The following MEOX1 variants were observed in gnomAD, a reference collection of about 807,000 sequenced individuals.
The protein encoded by MEOX1 is mesenchyme homeobox 1, also known as homeobox protein MOX-1.
Under a neutral mutation model 23.2 loss-of-function variants are expected in MEOX1, and 17 were observed. That is an observed-to-expected ratio of 0.73 (90% confidence interval 0.50 to 1.10). The LOEUF is 1.10. Ranked by LOEUF, MEOX1 falls within the 50% of genes least tolerant of loss-of-function variation. MEOX1 has a pLI of 0.00. For missense variants in MEOX1, 333 were observed against 332.2 expected (o/e 1.00, Z -0.02); for synonymous variants, 134 against 135.1 (o/e 0.99, Z 0.06).
rs566836386 is a variant in MEOX1, at chr17:43,645,306, A to T, written c.470-1646T>A. On this transcript the variant is annotated intron_variant, in intron 1 of 2. Transcript: ENST00000318579. ...ATTCTCCTGCCTCCGCCTCCCGAGT[A>T]GCTGGGACTACAGGCGCCCGCCACC... Among the ~76,000 whole-genome samples, 545 of 150,690 alleles carry T rather than the reference A, an allele frequency of 3.6e-3. 2 individuals are homozygous for T. The highest frequency in any genetic ancestry group is 7.7e-3 in the Admixed American group (115 of 15,018).
chr17:43,646,987 C>CA (rs1279336079), intron 1 of MEOX1, among the ~76,000 whole-genome samples: 7 of 151,702 alleles, frequency 4.6e-5, no homozygotes, highest in South Asian at 4.2e-4. Context: ...AACTCCGTCT[C>CA]AAAAAAAAGA....
rs1303227263 is a variant in MEOX1 at position 43,661,378 on chromosome 17, C to T, written c.157G>A (p.Ala53Thr). The change falls in exon 1 of 3, where the codon GCG becomes ACG. Residue 53 changes from alanine (A) to threonine (T), a missense_variant. By Grantham distance (58) the Ala-to-Thr change is moderately conservative. Transcript: ENST00000318579. ...TCAGGGTACGCTGCCGTCGCTGTCG[C>T]CAGGAAGTCTGGTTTCTGGTGGAAG... Reference protein sequence around the residue: ...FSFHQKPDFLATATAAYPDFS... With the variant: ...FSFHQKPDFLTTATAAYPDFS... 6 of 1,613,082 alleles carry T rather than the reference C, an allele frequency of 3.7e-6. No individual in the cohort carries two copies. Among genetic ancestry groups the T allele is most frequent in the Non-Finnish European group, 5.1e-6 (6 of 1,179,514 alleles).
chr17:43,657,799 C>T (rs1219635099), intron 1 of MEOX1, among the ~76,000 whole-genome samples: 3 of 152,248 alleles, frequency 2.0e-5, no homozygotes, highest in African/African-American at 2.4e-5. Flanking sequence ...TATTCAATTC[C>T]ACCATCCCCA....
At position 43,647,593 on chromosome 17, in the gene MEOX1, G is replaced by C. The variant is rs576451703; in HGVS notation, c.470-3933C>G. ...CCAGAGGTCCTGGGGTCACCACCCT[G>C]TTTGCTACCCACATCTACCCTCCTC... is the stretch of plus-strand genomic sequence containing the variant. On this transcript the variant is annotated intron_variant, in intron 1 of 2. Coordinates refer to ENST00000318579, the MANE Select transcript of MEOX1 (RefSeq NM_004527.4). 7.2e-5 allele frequency among the ~76,000 whole-genome samples: 11 copies of C among 152,248 alleles called. No individual in the cohort carries two copies. In the East Asian group the frequency reaches 2.1e-3, roughly 29 times the overall value.
chr17:43,650,372 A>C (rs544938899), intron 1 of MEOX1, among the ~76,000 whole-genome samples: 7 of 152,258 alleles, frequency 4.6e-5, no homozygotes, highest in African/African-American at 1.7e-4. Context: ...TTTCCACCCT[A>C]TTGGGCTGTC....
At chr17:43,646,410 AG>A (rs1364491425) in intron 1 of MEOX1, among the ~76,000 whole-genome samples, 1 of 152,186 alleles carries the variant, frequency 6.6e-6, no homozygotes, top group African/African-American at 2.4e-5. Context: ...ACCCGGGCTT[AG>A]ACGACGGGCG....
At chr17:43,649,991 G>A (rs1284764496) in intron 1 of MEOX1, among the ~76,000 whole-genome samples, 1 of 152,212 alleles carries the variant, frequency 6.6e-6, no homozygotes, top group Non-Finnish European at 1.5e-5. Context: ...AGCTTTATCA[G>A]AGCTACAGGG....
chr17:43,642,658 G>A (rs188806354), intron 2 of MEOX1, among the ~76,000 whole-genome samples: 211 of 149,728 alleles, frequency 1.4e-3, no homozygotes, highest in Non-Finnish European at 2.6e-3. Flanking sequence ...TGGGTGTGGG[G>A]GTGTGGGGTG....
chr17:43,651,691 C>T (rs1972919333), intron 1 of MEOX1, among the ~76,000 whole-genome samples: 1 of 152,174 alleles, frequency 6.6e-6, no homozygotes, highest in African/African-American at 2.4e-5. Flanking sequence ...GGCTGTGAGT[C>T]CTGTCTCTCA....
intron 1 of MEOX1, among the ~76,000 whole-genome samples, chr17:43,648,653 C>T (rs568991215): frequency 6.6e-6 from 1 of 151,864 alleles, no homozygotes; most frequent in African/African-American, 2.4e-5. Flanking sequence ...AGAATTCCTT[C>T]CTGGAACATA....
At chr17:43,647,144 G>A (rs1598261655) in intron 1 of MEOX1, among the ~76,000 whole-genome samples, 2 of 152,130 alleles carry the variant, frequency 1.3e-5, no homozygotes, top group African/African-American at 4.8e-5. Context: ...ACCACACAGC[G>A]GCCTATGAGT....
chr17:43,641,873 G>T lies in MEOX1; in HGVS notation c.*37C>A. 6.3e-7 allele frequency: 1 copy of T among 1,587,380 alleles called. No individual in the cohort carries two copies. The highest frequency in any genetic ancestry group is 8.6e-7 in the Non-Finnish European group (1 of 1,166,630). On this transcript the variant is annotated 3_prime_UTR_variant, in exon 3 of 3. Transcript: ENST00000318579. Reference sequence around the variant, plus strand: ...TTGGGGTGGGGGTAGTTGGGTAGGGGGCTCAGTCCTTAGTCATTTTTCCTC... The same window carrying T: ...TTGGGGTGGGGGTAGTTGGGTAGGGTGCTCAGTCCTTAGTCATTTTTCCTC...
chr17:43,652,703 G>A (rs555144193), intron 1 of MEOX1, among the ~76,000 whole-genome samples: 10 of 152,056 alleles, frequency 6.6e-5, no homozygotes, highest in Admixed American at 5.2e-4. Context: ...TTACTGTACC[G>A]TGGCCCAGCA....
intron 2 of MEOX1, among the ~76,000 whole-genome samples, chr17:43,643,070 A>G (rs1972727205): frequency 6.6e-6 from 1 of 152,078 alleles, no homozygotes; most frequent in Non-Finnish European, 1.5e-5. Flanking sequence ...GCACTTTGGG[A>G]GGCCGAGGCG....
rs183257498 is a variant in MEOX1, at chr17:43,641,608, G to C, written c.*302C>G. The C allele has an allele frequency of 2.8e-5, 7 of 246,394 alleles. No homozygotes were observed. The highest frequency in any genetic ancestry group is 1.0e-4 in the Admixed American group (2 of 19,534). The allele number at this position is 246,394 out of a possible 1,614,324, so 15.3% of individuals were successfully genotyped here. A position where few individuals can be genotyped will look rare whatever the true frequency, so the allele number is the denominator to read the frequency against. ...GAGGAGGCATGGGTGGCAGCCAAGA[G>C]ACGCTGAGAAGCAGTATCTCTGAAG... On this transcript the variant is annotated 3_prime_UTR_variant, in exon 3 of 3. Coordinates refer to ENST00000318579, the MANE Select transcript of MEOX1 (RefSeq NM_004527.4).
At chr17:43,652,327 C>T (rs1972933408) in intron 1 of MEOX1, among the ~76,000 whole-genome samples, 1 of 152,132 alleles carries the variant, frequency 6.6e-6, no homozygotes, top group African/African-American at 2.4e-5. Context: ...CGGCTGACAG[C>T]AGGGGGCAAA....
chr17:43,643,375 G>T, intron 2 of MEOX1, 113 bp downstream of exon 2: 4 of 1,031,376 alleles, frequency 3.9e-6, no homozygotes, highest in South Asian at 1.9e-5. Flanking sequence ...GTTGAAAACC[G>T]CTGGACTGGC....
At chr17:43,644,946 G>A (rs1018790258) in intron 1 of MEOX1, among the ~76,000 whole-genome samples, 1 of 152,038 alleles carries the variant, frequency 6.6e-6, no homozygotes, top group African/African-American at 2.4e-5. Context: ...GCTTACAAAC[G>A]GTAAAGTCCT....
intron 1 of MEOX1, among the ~76,000 whole-genome samples, chr17:43,660,048 GC>G (rs1309165052): frequency 6.6e-6 from 1 of 152,224 alleles, no homozygotes; most frequent in Non-Finnish European, 1.5e-5. Flanking sequence ...TCCTCTACAG[GC>G]TCCGACAGAC....
Sources: allele counts gnomAD v4.1 joint callset (sites outside exome capture counted in the v4.1 genomes callset), GRCh38; gene constraint gnomAD v4.1.1; transcripts MANE v1.5; gene names NCBI Gene and HGNC (gene_info 2026-07-23, HGNC 2026-07-21).